The following RNF180 variants were observed in gnomAD, a reference collection of about 807,000 sequenced individuals.
RNF180 encodes ring finger protein 180, also known as E3 ubiquitin-protein ligase RNF180.
A neutral mutation model predicts 59.2 loss-of-function variants in RNF180; 38 were observed. The ratio of observed to expected loss-of-function variants is 0.64; its 90% CI spans 0.50 to 0.84. The LOEUF (loss-of-function observed/expected upper bound fraction) is 0.84. Ranked by LOEUF, RNF180 falls within the 40% of genes least tolerant of loss-of-function variation. The pLI, the probability that RNF180 is intolerant of heterozygous loss-of-function variation, is 0.00. For synonymous variants in RNF180, 262 were observed against 240.3 expected, an observed-to-expected ratio of 1.09 and a Z score of -0.84; for missense variants, 705 against 700.9, an observed-to-expected ratio of 1.01 and a Z score of -0.07.
In RNF180 at chr5:64,371,124, A is replaced by G. The variant is rs1378220230; in HGVS notation, c.*1310A>G. Reference sequence around the variant, plus strand: ...TATGTGATGTTCTAAGAAAACTAGAAGAATGGTACTGATTTCTATTCTAAT... The same window carrying G: ...TATGTGATGTTCTAAGAAAACTAGAGGAATGGTACTGATTTCTATTCTAAT... On this transcript the variant is annotated 3_prime_UTR_variant, in exon 8 of 8. Transcript: ENST00000389100. The G allele has an allele frequency of 6.6e-6, 1 of 151,696 alleles. No individual in the cohort carries two copies. The highest frequency in any genetic ancestry group is 1.5e-5 in the Non-Finnish European group (1 of 67,700). The allele number at this position is 151,696 out of a possible 1,614,324, so 9.4% of individuals were successfully genotyped here.
At chr5:64,300,430 T>A (rs1197175807) in intron 5 of RNF180, among the ~76,000 whole-genome samples, 2 of 151,808 alleles carry the variant, frequency 1.3e-5, no homozygotes, top group Non-Finnish European at 2.9e-5. Flanking sequence ...GGATTTATGA[T>A]GGTTCGAATT....
intron 5 of RNF180, among the ~76,000 whole-genome samples, chr5:64,230,816 T>C (rs1263284741): frequency 6.6e-6 from 1 of 152,208 alleles, no homozygotes; most frequent in East Asian, 1.9e-4. Flanking sequence ...GAAAAATTAG[T>C]GTTTTCTCTA....
chr5:64,288,000 G>A (rs1742376540), intron 5 of RNF180, among the ~76,000 whole-genome samples: 1 of 152,058 alleles, frequency 6.6e-6, no homozygotes, highest in Admixed American at 6.6e-5. Context: ...GAATGGTATT[G>A]CCTAGATTTT....
chr5:64,362,148 T>C (rs1361835005), intron 7 of RNF180, among the ~76,000 whole-genome samples: 2 of 151,614 alleles, frequency 1.3e-5, no homozygotes, highest in Admixed American at 6.6e-5. Context: ...GGTACACTCA[T>C]GTCACAAGGA....
intron 5 of RNF180, among the ~76,000 whole-genome samples, chr5:64,302,677 T>G (rs372617859): frequency 6.6e-6 from 1 of 151,610 alleles, no homozygotes. Flanking sequence ...AGATAGTTAT[T>G]TTGATGACAT....
chr5:64,179,067 T>C (rs774900832), intron 1 of RNF180, among the ~76,000 whole-genome samples: 44 of 152,296 alleles, frequency 2.9e-4, no homozygotes, highest in Admixed American at 5.9e-4. Context: ...TATATCATAC[T>C]TTTTAGTAAC....
At chr5:64,333,128 T>C (rs1744982798) in intron 7 of RNF180, among the ~76,000 whole-genome samples, 1 of 152,218 alleles carries the variant, frequency 6.6e-6, no homozygotes, top group African/African-American at 2.4e-5. Flanking sequence ...ACTGTAAAAA[T>C]TTAATATCTA....
chr5:64,230,755 A>C (rs1269641721), intron 5 of RNF180, among the ~76,000 whole-genome samples: 1 of 152,214 alleles, frequency 6.6e-6, no homozygotes, highest in Non-Finnish European at 1.5e-5. Flanking sequence ...GAGTCAGGCC[A>C]ACCTTGAAAG....
chr5:64,222,352 A>G (rs1037086474), intron 5 of RNF180, among the ~76,000 whole-genome samples: 1 of 152,078 alleles, frequency 6.6e-6, no homozygotes, highest in Non-Finnish European at 1.5e-5. Flanking sequence ...TTAGTTACAT[A>G]TGTATACATG....
rs190931946 is a variant in RNF180 at position 64,237,771 on chromosome 5, C to A, written c.1227+20375C>A. 1.2e-3 allele frequency among the ~76,000 whole-genome samples: 186 copies of A among 152,184 alleles called. 2 individuals carry two copies. Among genetic ancestry groups the A allele is most frequent in the Admixed American group, 2.2e-3 (34 of 15,282 alleles). On this transcript the variant is annotated intron_variant, in intron 5 of 7. Transcript: ENST00000389100. ...CTCACTGTTTTTGTGATAGTGAGTT[C>A]TCTTGAGATCTGGTTGTTTGATAAA... is the stretch of plus-strand genomic sequence containing the variant.
intron 1 of RNF180, among the ~76,000 whole-genome samples, chr5:64,189,303 T>C (rs1209401280): frequency 6.6e-6 from 1 of 151,992 alleles, no homozygotes; most frequent in African/African-American, 2.4e-5. Flanking sequence ...TTAGGTAACA[T>C]ATGGAGGCTG....
chr5:64,352,903 A>C (rs1745872418), intron 7 of RNF180, among the ~76,000 whole-genome samples: 1 of 151,950 alleles, frequency 6.6e-6, no homozygotes, highest in South Asian at 2.1e-4. Flanking sequence ...AAATGAATTA[A>C]ACTCAAAGCT....
chr5:64,166,568 T>C (rs889711067), intron 1 of RNF180, among the ~76,000 whole-genome samples: 55 of 152,204 alleles, frequency 3.6e-4, no homozygotes, highest in Non-Finnish European at 5.6e-4. Context: ...GGTGGGAAAT[T>C]ACTAGTGCTG....
At chr5:64,207,587 A>G (rs1232662693) in intron 2 of RNF180, among the ~76,000 whole-genome samples, 3 of 152,186 alleles carry the variant, frequency 2.0e-5, no homozygotes, top group Non-Finnish European at 4.4e-5. Context: ...AGGAAGTAAC[A>G]TGACTTTTGA....
intron 5 of RNF180, among the ~76,000 whole-genome samples, chr5:64,246,152 A>G (rs527852413): frequency 8.5e-5 from 13 of 152,328 alleles, no homozygotes; most frequent in African/African-American, 2.6e-4. Context: ...CTAAATGTCC[A>G]CAGGAGAAAG....
intron 1 of RNF180, among the ~76,000 whole-genome samples, chr5:64,194,202 T>A (rs1400575768): frequency 2.0e-5 from 3 of 152,154 alleles, no homozygotes; most frequent in African/African-American, 7.2e-5. Context: ...CCCCTTCCTG[T>A]GTCCATGTGT....
At chr5:64,347,996 C>G (rs1745621863) in intron 7 of RNF180, among the ~76,000 whole-genome samples, 1 of 151,952 alleles carries the variant, frequency 6.6e-6, no homozygotes, top group African/African-American at 2.4e-5. Context: ...TGAACAAGAT[C>G]ATTATTTTGT....
chr5:64,180,334 G>A (rs1486909752), intron 1 of RNF180, among the ~76,000 whole-genome samples: 3 of 152,102 alleles, frequency 2.0e-5, no homozygotes, highest in Admixed American at 1.3e-4. Context: ...AAATTTGTTT[G>A]TAGATAAGGC....
At chr5:64,187,007 A>G (rs1460139256) in intron 1 of RNF180, among the ~76,000 whole-genome samples, 2 of 152,162 alleles carry the variant, frequency 1.3e-5, no homozygotes, top group East Asian at 3.8e-4. Flanking sequence ...AAAATTCACT[A>G]TTTTATGAAA....
Sources: allele counts gnomAD v4.1 joint callset (sites outside exome capture counted in the v4.1 genomes callset), GRCh38; gene constraint gnomAD v4.1.1; transcripts MANE v1.5; gene names NCBI Gene and HGNC (gene_info 2026-07-23, HGNC 2026-07-21).